TUFT1: variants seen among roughly 807,000 people sequenced by gnomAD.
The protein encoded by TUFT1 is tuftelin 1.
In TUFT1, 43 loss-of-function variants were observed where a neutral mutation model predicts 57.8. The observed-to-expected ratio is 0.74, with a 90% CI of 0.58 to 0.96. TUFT1 has a LOEUF of 0.96. Among genes scored for constraint, TUFT1 ranks in the 40% least tolerant of loss-of-function variants. The probability of loss-of-function intolerance (pLI) is 0.00; values close to 1 mark genes in which losing one functional copy is unlikely to be tolerated. For synonymous variants in TUFT1, 166 were observed against 176.7 expected, an observed-to-expected ratio of 0.94 and a Z score of 0.48; for missense variants, 459 against 489.0, an observed-to-expected ratio of 0.94 and a Z score of 0.58.
intron 1 of TUFT1, among the ~76,000 whole-genome samples, chr1:151,541,224 C>T (rs912964232): frequency 1.3e-5 from 2 of 152,122 alleles, no homozygotes; most frequent in African/African-American, 4.8e-5. Flanking sequence ...GTGACCCAAG[C>T]GAAGGCTTCT....
Position 151,582,191 on chromosome 1 carries a change from A to G in TUFT1, c.*484A>G, listed in dbSNP as rs918023735. The G allele has an allele frequency of 4.4e-6, 2 of 456,710 alleles. No individual in the cohort carries two copies. Among genetic ancestry groups the G allele is most frequent in the African/African-American group, 4.0e-5 (2 of 50,102 alleles). The allele number at this position is 456,710 out of a possible 1,614,324, so 28.3% of individuals were successfully genotyped here. A position where few individuals can be genotyped will look rare whatever the true frequency, so the allele number is the denominator to read the frequency against. The stretch of plus-strand genomic sequence containing the variant: ...TTAGCAACAAACTGTTTGTTTTTCT[A>G]CTTGCTCCATCTGCAGCCTACGCTG... On this transcript the variant is annotated 3_prime_UTR_variant, in exon 13 of 13. Transcript: ENST00000368849.
rs1048533308 is a variant in TUFT1 at position 151,541,616 on chromosome 1, T to A, written c.60+1190T>A. ...AGATTATGGCTCTTCTTCAAACTCA[T>A]TTCAGGTTTAGAATACAGATGGTCA... is the stretch of plus-strand genomic sequence containing the variant. On this transcript the variant is annotated intron_variant, in intron 1 of 12. Transcript: ENST00000368849. Among the ~76,000 whole-genome samples, 69 of 152,300 alleles carry A rather than the reference T, an allele frequency of 4.5e-4. 1 individual carries two copies. The highest frequency in any genetic ancestry group is 1.6e-3 in the African/African-American group (66 of 41,552).
rs1553249393 is a variant in TUFT1, at chr1:151,554,695, C to CCTTT, written c.61-7396_61-7395insCTTT. On this transcript the variant is annotated intron_variant, in intron 1 of 12. Transcript: ENST00000368849. Reference sequence around the variant, plus strand: ...ACTGTGAACCACTGTGCCCGGCCCCCTTTTTTTTTTTTTTTTTTTTTTTTT... The same window carrying CCTTT: ...ACTGTGAACCACTGTGCCCGGCCCCCCTTTTTTTTTTTTTTTTTTTTTTTTTTTT... Among the ~76,000 whole-genome samples, 8 of 85,678 alleles carry CCTTT rather than the reference C, an allele frequency of 9.3e-5. 2 individuals carry two copies. The highest frequency in any genetic ancestry group is 4.4e-4 in the South Asian group (1 of 2,274). The allele number at this position is 85,678 out of a possible 152,430, so 56.2% of individuals were successfully genotyped here.
At chr1:151,555,561 G>A (rs562018371) in intron 1 of TUFT1, among the ~76,000 whole-genome samples, 40 of 151,080 alleles carry the variant, frequency 2.6e-4, no homozygotes, top group African/African-American at 8.8e-4. Flanking sequence ...GGCAGATCAC[G>A]AGGTCAGGAG....
Position 151,562,170 on chromosome 1 carries a change from T to C in TUFT1, c.135+5T>C. The C allele has an allele frequency of 6.2e-7, 1 of 1,613,232 alleles. No homozygotes were observed. The highest frequency in any genetic ancestry group is 8.5e-7 in the Non-Finnish European group (1 of 1,179,272). Reference sequence around the variant, plus strand: ...CTTGAACACATAGCCCAGAAGGTACTGCGGAATTCTGGTGGGCAAGGCCCC... The same window carrying C: ...CTTGAACACATAGCCCAGAAGGTACCGCGGAATTCTGGTGGGCAAGGCCCC... On this transcript the variant is annotated splice_donor_5th_base_variant and intron_variant, in intron 2 of 12. Coordinates refer to ENST00000368849, the MANE Select transcript of TUFT1 (RefSeq NM_020127.3).
intron 1 of TUFT1, among the ~76,000 whole-genome samples, chr1:151,557,064 G>A (rs1322789325): frequency 6.6e-6 from 1 of 152,084 alleles, no homozygotes; most frequent in East Asian, 1.9e-4. Context: ...CTGCCTTCCT[G>A]TGGATTAACT....
chr1:151,575,789 T>A (rs186933304), intron 9 of TUFT1, among the ~76,000 whole-genome samples: 2 of 152,336 alleles, frequency 1.3e-5, no homozygotes, highest in East Asian at 3.9e-4. Context: ...TGAAGGGCCT[T>A]TTAAGGAATT....
chr1:151,556,349 C>A (rs559451433), intron 1 of TUFT1, among the ~76,000 whole-genome samples: 10 of 151,464 alleles, frequency 6.6e-5, no homozygotes, highest in African/African-American at 2.4e-4. Flanking sequence ...CTTCCTTTTC[C>A]CTTTCCCTCC....
At chr1:151,576,475 C>T (rs957330052) in intron 9 of TUFT1, among the ~76,000 whole-genome samples, 3 of 152,192 alleles carry the variant, frequency 2.0e-5, no homozygotes, top group Non-Finnish European at 4.4e-5. Context: ...TGCAAGACTG[C>T]CCCTGCTTCA....
Position 151,564,718 on chromosome 1 carries a change from G to A in TUFT1, c.414+104G>A. 3.2e-6 allele frequency: 3 copies of A among 948,104 alleles called. No individual in the cohort carries two copies. In the South Asian group the frequency reaches 4.4e-5, roughly 14 times the overall value. The allele number at this position is 948,104 out of a possible 1,614,324, so 58.7% of individuals were successfully genotyped here. ...AGTGTGTGCTAAATCTAGCATCCCT[G>A]CCAGGAATGGAGAAAATAGAGGTGA... On this transcript the variant is annotated intron_variant, in intron 5 of 12. Coordinates refer to ENST00000368849, the MANE Select transcript of TUFT1 (RefSeq NM_020127.3).
chr1:151,564,754 T>C, intron 5 of TUFT1, 140 bp downstream of exon 5: 1 of 686,928 alleles, frequency 1.5e-6, no homozygotes, highest in East Asian at 2.7e-5. Flanking sequence ...TGCTGGCTTC[T>C]CTGGAGCACT....
intron 11 of TUFT1, 40 bp from the exon 12 acceptor site, chr1:151,580,902 C>A: frequency 1.2e-6 from 2 of 1,600,580 alleles, no homozygotes; most frequent in South Asian, 2.2e-5. Flanking sequence ...CCCGGGAAGC[C>A]AGAAAAAGGC....
rs780085598 is a variant in TUFT1 at position 151,540,336 on chromosome 1, A to G, written c.-31A>G. On this transcript the variant is annotated 5_prime_UTR_variant, in exon 1 of 13. Transcript: ENST00000368849. ...TTGGAGCCAGACAGCGGGGTGGACA[A>G]GTGGCGTGTGTGCTGCGACCCCGAG... 12 of 1,613,650 alleles carry G rather than the reference A, an allele frequency of 7.4e-6. No individual in the cohort carries two copies. The Admixed American group carries it at 1.0e-4, about 13-fold the overall frequency.
chr1:151,563,216 T>C (rs1249868626), intron 3 of TUFT1, among the ~76,000 whole-genome samples: 2 of 152,086 alleles, frequency 1.3e-5, no homozygotes, highest in African/African-American at 2.4e-5. Flanking sequence ...AATAAAATGA[T>C]TTTTGTTATT....
chr1:151,547,829 T>C (rs947560683), intron 1 of TUFT1, among the ~76,000 whole-genome samples: 8 of 152,220 alleles, frequency 5.3e-5, no homozygotes, highest in Admixed American at 1.3e-4. Context: ...ACAGACACAC[T>C]GTCACTGCTA....
intron 10 of TUFT1, 38 bp from the exon 11 acceptor site, chr1:151,579,611 T>C (rs751260466): frequency 9.9e-6 from 16 of 1,609,800 alleles, no homozygotes; most frequent in Admixed American, 5.0e-5. Flanking sequence ...TAATGAGTCA[T>C]TGCAAAATGA....
intron 1 of TUFT1, among the ~76,000 whole-genome samples, chr1:151,544,440 G>T (rs1308285972): frequency 1.3e-5 from 2 of 152,162 alleles, no homozygotes; most frequent in African/African-American, 4.8e-5. Flanking sequence ...GGGATTACAG[G>T]CATGGGCCAC....
intron 1 of TUFT1, among the ~76,000 whole-genome samples, chr1:151,560,113 C>T (rs1665836305): frequency 6.7e-6 from 1 of 148,888 alleles, no homozygotes; most frequent in Non-Finnish European, 1.5e-5. Context: ...AAGTAATATT[C>T]AACAAAAAAA....
At chr1:151,543,892 A>G (rs4970956) in intron 1 of TUFT1, among the ~76,000 whole-genome samples, 84,336 of 151,986 alleles carry the variant, frequency 0.55, 24,636 homozygotes, top group East Asian at 0.89. Context: ...GCAAAAGAAC[A>G]GATGTCTATG....
Sources: allele counts gnomAD v4.1 joint callset (sites outside exome capture counted in the v4.1 genomes callset), GRCh38; gene constraint gnomAD v4.1.1; transcripts MANE v1.5; gene names NCBI Gene and HGNC (gene_info 2026-07-23, HGNC 2026-07-21).